The following FDFT1 variants were observed in gnomAD, a reference collection of about 807,000 sequenced individuals.
FDFT1 encodes the protein farnesyl-diphosphate farnesyltransferase 1.
In FDFT1, 68 loss-of-function variants were observed where a neutral mutation model predicts 46.8. The ratio of observed to expected loss-of-function variants is 1.45; its 90% CI spans 1.19 to 1.78. The LOEUF (loss-of-function observed/expected upper bound fraction) is 1.78. FDFT1 is among the 40% of genes most tolerant of loss of function. The pLI, the probability that FDFT1 is intolerant of heterozygous loss-of-function variation, is 0.00. For missense variants in FDFT1, 928 were observed against 524.4 expected (o/e 1.77, Z -7.52); for synonymous variants, 351 against 185.1 (o/e 1.90, Z -7.28).
intron 4 of FDFT1, among the ~76,000 whole-genome samples, chr8:11,825,238 CAA>C (rs1029517811): frequency 6.6e-6 from 1 of 151,926 alleles, no homozygotes; most frequent in Non-Finnish European, 1.5e-5. Flanking sequence ...TTTTATGTAT[CAA>C]AAAGTTTATT....
Position 11,808,784 on chromosome 8 carries a change from C to G in FDFT1, c.100-10C>G, listed in dbSNP as rs372882846. On this transcript the variant is annotated splice_polypyrimidine_tract_variant and intron_variant, in intron 1 of 7. Transcript: ENST00000220584. ...CGTCTCCCACCGCCGTGTGTGTTGTCTGCCCGCAGGACTCGCTCAGCAGCA... is the reference window on the plus strand; with the variant it reads ...CGTCTCCCACCGCCGTGTGTGTTGTGTGCCCGCAGGACTCGCTCAGCAGCA... The G allele has an allele frequency of 3.1e-6, 5 of 1,613,234 alleles. No individual in the cohort carries two copies. The East Asian group carries it at 1.1e-4, about 36-fold the overall frequency.
intron 3 of FDFT1, among the ~76,000 whole-genome samples, chr8:11,813,226 C>T (rs149141769): frequency 4.6e-5 from 7 of 152,316 alleles, no homozygotes; most frequent in African/African-American, 9.6e-5. Flanking sequence ...TACATGAGCA[C>T]GTATCTTTCT....
upstream of FDFT1, chr8:11,802,042 C>G (rs917422070): frequency 8.8e-6 from 4 of 455,836 alleles, no homozygotes; most frequent in South Asian, 3.1e-5. Flanking sequence ...GAAGTTTCCA[C>G]ATTCCTGTTA....
rs900769002 is a variant in FDFT1, at chr8:11,838,770, A to G, written c.*161A>G. 1.6e-6 allele frequency: 1 copy of G among 643,492 alleles called. No homozygotes were observed. The highest frequency in any genetic ancestry group is 2.6e-5 in the Admixed American group (1 of 39,130). 39.9% of individuals were successfully genotyped at this position (643,492 alleles called of 1,614,324 possible). ...GGAAAGTGAAATGCAGGTGAGAAGA[A>G]CCTAAACATGAAAGGAAAGGGTGCC... is the stretch of plus-strand genomic sequence containing the variant. On this transcript the variant is annotated 3_prime_UTR_variant, in exon 8 of 8. Coordinates refer to ENST00000220584, the MANE Select transcript of FDFT1 (RefSeq NM_004462.5).
At chr8:11,802,317 C>G (rs924170268), upstream of FDFT1, 1 of 402,290 alleles carries the variant, frequency 2.5e-6, no homozygotes, top group Non-Finnish European at 5.0e-6. Flanking sequence ...AGGCCGGACA[C>G]GTGGGCGACT....
At chr8:11,821,707 T>G in intron 3 of FDFT1, 43 bp from the exon 4 acceptor site, 6 of 1,606,644 alleles carry the variant, frequency 3.7e-6, no homozygotes, top group Non-Finnish European at 5.1e-6. Flanking sequence ...GCCATGTCTG[T>G]ACATATTTCA....
chr8:11,835,696 G>C (rs1354496285), intron 7 of FDFT1, among the ~76,000 whole-genome samples: 5 of 152,134 alleles, frequency 3.3e-5, no homozygotes, highest in Non-Finnish European at 5.9e-5. Flanking sequence ...AAGTAGATGA[G>C]AAAGTAAAAT....
In FDFT1 at chr8:11,838,414, C is replaced by T; in HGVS notation, c.1059C>T (p.Asp353=). The T allele has an allele frequency of 6.2e-7, 1 of 1,613,644 alleles. No individual in the cohort carries two copies. Residue 353 remains aspartate, a synonymous_variant, in exon 8 of 8, where the codon GAC becomes GAT. Transcript: ENST00000220584. ...TTTATCATAGAATCCCCGACTCAGA[C>T]CCATCTTCTAGCAAAACAAGGCAGA... ...EEIYHRIPDS[D]PSSSKTRQII...
chr8:11,822,840 A>AC (rs1809449910), intron 4 of FDFT1, among the ~76,000 whole-genome samples: 1 of 152,082 alleles, frequency 6.6e-6, no homozygotes, highest in Non-Finnish European at 1.5e-5. Flanking sequence ...TGAAGTTAAA[A>AC]CTTCTGGCCA....
chr8:11,804,752 A>T (rs868644832), intron 1 of FDFT1, among the ~76,000 whole-genome samples: 98 of 150,848 alleles, frequency 6.5e-4, no homozygotes, highest in African/African-American at 2.3e-3. Flanking sequence ...GATTACAGGC[A>T]CCTGCCACTA....
rs561042947 is a variant in FDFT1 at position 11,826,757 on chromosome 8, G to C, written c.702+542G>C. On this transcript the variant is annotated intron_variant, in intron 5 of 7. Coordinates refer to ENST00000220584, the MANE Select transcript of FDFT1 (RefSeq NM_004462.5). ...TTGAACCCAGGAAGCAGAGATTGCG[G>C]TGAGCTCAGATTGTGCCACTGCACT... 1.8e-3 allele frequency among the ~76,000 whole-genome samples: 278 copies of C among 152,324 alleles called. 2 individuals are homozygous for C. The highest frequency in any genetic ancestry group is 6.5e-3 in the African/African-American group (269 of 41,580).
intron 3 of FDFT1, among the ~76,000 whole-genome samples, chr8:11,819,948 C>T (rs894879027): frequency 1.4e-4 from 22 of 152,130 alleles, no homozygotes; most frequent in African/African-American, 5.1e-4. Context: ...GAATTTTCAG[C>T]CTTTCTGCTG....
chr8:11,834,129 C>G (rs995812616), intron 7 of FDFT1, among the ~76,000 whole-genome samples: 2 of 152,312 alleles, frequency 1.3e-5, no homozygotes, highest in South Asian at 2.1e-4. Flanking sequence ...TGACTCTGTC[C>G]GATCTCTGGA....
At chr8:11,824,349 C>G (rs911327080) in intron 4 of FDFT1, among the ~76,000 whole-genome samples, 1 of 152,178 alleles carries the variant, frequency 6.6e-6, no homozygotes, top group African/African-American at 2.4e-5. Context: ...TTAAGAGTTG[C>G]ATTTACTGAA....
chr8:11,815,771 C>G (rs557034876), intron 3 of FDFT1, among the ~76,000 whole-genome samples: 17 of 152,214 alleles, frequency 1.1e-4, no homozygotes, highest in African/African-American at 2.6e-4. Flanking sequence ...GGATACTACC[C>G]TTTGTTGGAT....
chr8:11,831,607 C>T lies in FDFT1; in HGVS notation c.969C>T (p.Thr323=). 3 of 1,613,868 alleles carry T rather than the reference C, an allele frequency of 1.9e-6. No homozygotes were observed. The highest frequency in any genetic ancestry group is 2.5e-6 in the Non-Finnish European group (3 of 1,179,774). ...AVKIRKGQAV[T]LMMDATNMPA... is the part of the protein sequence containing the mutation. ...AGATTCGGAAAGGGCAAGCAGTGAC[C>T]CTGATGATGGATGCCACCAATATGC... The change falls in exon 7 of 8, where the codon ACC becomes ACT. Residue 323 remains threonine, a synonymous_variant. Coordinates refer to ENST00000220584, the MANE Select transcript of FDFT1 (RefSeq NM_004462.5).
intron 1 of FDFT1, among the ~76,000 whole-genome samples, chr8:11,804,907 C>A (rs1585857260): frequency 8.0e-6 from 1 of 125,606 alleles, no homozygotes; most frequent in Non-Finnish European, 1.6e-5. Context: ...CTGCACCCGG[C>A]CTTTTTTTTT....
At chr8:11,801,767 C>G (rs576686294), upstream of FDFT1, 75 of 358,146 alleles carry the variant, frequency 2.1e-4, 1 homozygote, top group South Asian at 1.5e-3. Context: ...CATCTTGGCT[C>G]ACTGCAAACT....
At chr8:11,800,653 ATATT>A (rs1404811826), upstream of FDFT1, among the ~76,000 whole-genome samples, 1 of 152,240 alleles carries the variant, frequency 6.6e-6, no homozygotes, top group Non-Finnish European at 1.5e-5. Flanking sequence ...GCCAGGGCAA[ATATT>A]TAGGCTAAAT....
Sources: gnomAD v4.1 joint callset for allele counts (sites outside exome capture counted in the v4.1 genomes callset) on GRCh38, gnomAD v4.1.1 for gene constraint, MANE v1.5 for transcripts, NCBI Gene and HGNC (gene_info 2026-07-23, HGNC 2026-07-21) for gene names.